C8A: variants seen among roughly 807,000 people sequenced by gnomAD.
C8A encodes the protein complement component C8 alpha chain.
C8A carries 67 observed loss-of-function variants against 65.3 expected under a neutral mutation model. The ratio of observed to expected loss-of-function variants is 1.03; its 90% CI spans 0.84 to 1.26. C8A has a LOEUF of 1.26. Ranked by LOEUF, C8A falls within the 50% of genes most tolerant of loss-of-function variation. The probability of loss-of-function intolerance (pLI) is 0.00; values close to 1 mark genes in which losing one functional copy is unlikely to be tolerated. For missense variants in C8A, 781 were observed against 723.9 expected, an observed-to-expected ratio of 1.08 and a Z score of -0.90; for synonymous variants, 290 against 259.4, an observed-to-expected ratio of 1.12 and a Z score of -1.13.
chr1:56,875,066 G>A lies in C8A; in HGVS notation c.289G>A (p.Gly97Arg), dbSNP rs985782393. 3 of 1,613,608 alleles carry A rather than the reference G, an allele frequency of 1.9e-6. No homozygotes were observed. The highest frequency in any genetic ancestry group is 1.7e-5 in the Admixed American group (1 of 59,964). The stretch of plus-strand genomic sequence containing the variant: ...AACTTGTGTAAGGCAAGCACAGTGT[G>A]GACAGGATTTCCAGTGTAAGGAGAC... ...STTCVRQAQCGQDFQCKETGR... is the reference protein window; with the variant it reads ...STTCVRQAQCRQDFQCKETGR... Residue 97 changes from glycine (G) to arginine (R), a missense_variant, in exon 3 of 11, where the codon GGA becomes AGA. Transcript: ENST00000361249.
chr1:56,894,692 G>A (rs565216905), intron 7 of C8A, among the ~76,000 whole-genome samples: 18 of 152,236 alleles, frequency 1.2e-4, no homozygotes, highest in African/African-American at 4.3e-4. Flanking sequence ...CTGCCTTCCT[G>A]TATTTCATTC....
chr1:56,883,015 G>A (rs1281412876), intron 5 of C8A, among the ~76,000 whole-genome samples: 1 of 150,260 alleles, frequency 6.7e-6, no homozygotes, highest in Non-Finnish European at 1.5e-5. Flanking sequence ...AGACAGCAGA[G>A]AAATGAAATC....
Position 56,886,065 on chromosome 1 carries a change from A to G in C8A, c.994A>G (p.Lys332Glu). 1 of 1,614,076 alleles carries G rather than the reference A, an allele frequency of 6.2e-7. No individual in the cohort carries two copies. The highest frequency in any genetic ancestry group is 1.1e-5 in the South Asian group (1 of 91,084). Residue 332 changes from lysine (K) to glutamate (E), a missense_variant, in exon 7 of 11, where the codon AAG (lysine) becomes GAG (glutamate). Physicochemically the swap from Lys to Glu is moderately conservative, Grantham distance 56. Coordinates refer to ENST00000361249, the MANE Select transcript of C8A (RefSeq NM_000562.3). ...TCAGTACAATTATGGCATGTATGCC[A>G]AGTTCATCAATGACTATGGCACCCA... ...PDQYNYGMYA[K>E]FINDYGTHYI...
At chr1:56,866,980 T>G (rs1388982353) in intron 1 of C8A, among the ~76,000 whole-genome samples, 1 of 152,214 alleles carries the variant, frequency 6.6e-6, no homozygotes, top group African/African-American at 2.4e-5. Context: ...TCAGGGCTAC[T>G]TAGCTTTTAG....
chr1:56,912,258 G>A (rs1366580924), intron 9 of C8A, 145 bp from the exon 10 acceptor site: 1 of 679,784 alleles, frequency 1.5e-6, no homozygotes, highest in Non-Finnish European at 2.6e-6. Context: ...ATGGCTGTGA[G>A]GATCCAAGGT....
At chr1:56,903,982 G>A (rs571088840) in intron 7 of C8A, among the ~76,000 whole-genome samples, 3 of 152,286 alleles carry the variant, frequency 2.0e-5, no homozygotes, top group Admixed American at 2.0e-4. Context: ...AGCCTAAGGA[G>A]TGCAGCCTGA....
chr1:56,886,220 A>C, intron 7 of C8A, 53 bp downstream of exon 7: 1 of 1,609,820 alleles, frequency 6.2e-7, no homozygotes, highest in Non-Finnish European at 8.5e-7. Context: ...ACACCAGGTC[A>C]TGGTTTGAAG....
intron 2 of C8A, among the ~76,000 whole-genome samples, chr1:56,873,013 C>T (rs1644161708): frequency 6.6e-6 from 1 of 152,124 alleles, no homozygotes. Flanking sequence ...TGATGTTCTC[C>T]AACTGGTCAT....
At chr1:56,897,400 A>G (rs750563937) in intron 7 of C8A, among the ~76,000 whole-genome samples, 32 of 152,216 alleles carry the variant, frequency 2.1e-4, no homozygotes, top group Non-Finnish European at 4.7e-4. Context: ...TAAGCCAGGG[A>G]TGGCAAGTGG....
At chr1:56,905,346 A>G (rs1262037185) in intron 7 of C8A, among the ~76,000 whole-genome samples, 1 of 152,210 alleles carries the variant, frequency 6.6e-6, no homozygotes, top group Non-Finnish European at 1.5e-5. Flanking sequence ...CTAGGATCAT[A>G]CAGGGTGTTA....
At chr1:56,862,067 G>A (rs1048992478) in intron 1 of C8A, among the ~76,000 whole-genome samples, 1 of 152,110 alleles carries the variant, frequency 6.6e-6, no homozygotes, top group African/African-American at 2.4e-5. Flanking sequence ...AGCCCTATCC[G>A]AGTACATTCA....
At chr1:56,904,126 C>G (rs1037162613) in intron 7 of C8A, among the ~76,000 whole-genome samples, 3 of 152,160 alleles carry the variant, frequency 2.0e-5, no homozygotes, top group Non-Finnish European at 4.4e-5. Flanking sequence ...ACCCCAGACC[C>G]CCACCTCCAA....
At chr1:56,909,552 C>T (rs1035957069) in intron 9 of C8A, among the ~76,000 whole-genome samples, 5 of 152,176 alleles carry the variant, frequency 3.3e-5, no homozygotes, top group African/African-American at 1.2e-4. Flanking sequence ...AATACATAAA[C>T]TTTCATAGGC....
intron 2 of C8A, among the ~76,000 whole-genome samples, chr1:56,869,172 C>T (rs1350947409): frequency 6.6e-6 from 1 of 152,090 alleles, no homozygotes; most frequent in Non-Finnish European, 1.5e-5. Flanking sequence ...CCTCACCCTC[C>T]CCACCCTTCC....
intron 1 of C8A, among the ~76,000 whole-genome samples, chr1:56,856,375 T>C (rs1643975337): frequency 6.6e-6 from 1 of 152,122 alleles, no homozygotes; most frequent in South Asian, 2.1e-4. Flanking sequence ...AGTACTTAGA[T>C]CAATACCTGT....
intron 7 of C8A, among the ~76,000 whole-genome samples, chr1:56,894,970 A>G (rs990109529): frequency 6.7e-6 from 1 of 149,590 alleles, no homozygotes; most frequent in Non-Finnish European, 1.5e-5. Context: ...GTATAATAAC[A>G]TCTACTATTT....
rs746208180 is a variant in C8A at position 56,908,032 on chromosome 1, C to G, written c.1299C>G (p.Gly433=). ...GTGGCAGTTCTGGCTGGAGCGGTGG[C>G]TTGGCACAGAACAGGAGCACCATTA... ...VRGGSSGWSG[G]LAQNRSTITY... The change falls in exon 9 of 11, where the codon GGC becomes GGG. Residue 433 remains glycine (G), a synonymous_variant. Transcript: ENST00000361249. 1.2e-6 allele frequency: 2 copies of G among 1,614,102 alleles called. No homozygotes were observed. The highest frequency in any genetic ancestry group is 3.3e-4 in the Middle Eastern group (2 of 6,062).
chr1:56,907,172 G>T (rs1570351434), intron 8 of C8A, among the ~76,000 whole-genome samples: 2 of 152,304 alleles, frequency 1.3e-5, no homozygotes, highest in African/African-American at 4.8e-5. Flanking sequence ...CAAGCTCAAA[G>T]AATAATTATT....
At chr1:56,895,624 C>T (rs1159463321) in intron 7 of C8A, among the ~76,000 whole-genome samples, 2 of 152,126 alleles carry the variant, frequency 1.3e-5, no homozygotes, top group African/African-American at 4.8e-5. Flanking sequence ...CAAAGTATGT[C>T]ACACAAAGTG....
Sources: allele counts gnomAD v4.1 joint callset (sites outside exome capture counted in the v4.1 genomes callset), GRCh38; gene constraint gnomAD v4.1.1; transcripts MANE v1.5; gene names NCBI Gene and HGNC (gene_info 2026-07-23, HGNC 2026-07-21).